Variants in COMMD10 observed in about 807,000 individuals in gnomAD.
The protein encoded by COMMD10 is COMM domain-containing protein 10.
A neutral mutation model predicts 28.9 loss-of-function variants in COMMD10; 33 were observed. That is an observed-to-expected ratio of 1.14 (90% CI 0.87 to 1.53). COMMD10 has a LOEUF of 1.53. Among genes scored for constraint, COMMD10 ranks in the 40% most tolerant of loss-of-function variants. The pLI, the probability that COMMD10 is intolerant of heterozygous loss-of-function variation, is 0.00. For synonymous variants in COMMD10, 110 were observed against 81.7 expected, an observed-to-expected ratio of 1.35 and a Z score of -1.87; for missense variants, 310 against 233.4, an observed-to-expected ratio of 1.33 and a Z score of -2.14.
At chr5:116,292,101 G>A (rs1208717822) in intron 6 of COMMD10, among the ~76,000 whole-genome samples, 2 of 151,208 alleles carry the variant, frequency 1.3e-5, no homozygotes, top group Non-Finnish European at 2.9e-5. Flanking sequence ...CACCACCACT[G>A]TACCCACTCC....
At chr5:116,191,133 A>C (rs990394543) in intron 5 of COMMD10, among the ~76,000 whole-genome samples, 2 of 152,142 alleles carry the variant, frequency 1.3e-5, no homozygotes, top group African/African-American at 4.8e-5. Context: ...AAGCAGCAGA[A>C]AGGCCCTGGA....
At chr5:116,168,803 C>T (rs1753220278) in intron 5 of COMMD10, among the ~76,000 whole-genome samples, 1 of 152,094 alleles carries the variant, frequency 6.6e-6, no homozygotes, top group African/African-American at 2.4e-5. Context: ...CACAATGTAC[C>T]AGAATCTCTG....
chr5:116,134,199 A>G, intron 5 of COMMD10, 21 bp downstream of exon 5: 1 of 1,353,114 alleles, frequency 7.4e-7, no homozygotes. Context: ...GTATCCCATT[A>G]AAAGGATGTA....
chr5:116,112,554 C>T (rs570836528), intron 4 of COMMD10, among the ~76,000 whole-genome samples: 1 of 152,062 alleles, frequency 6.6e-6, no homozygotes, highest in East Asian at 1.9e-4. Context: ...GTGCGCGCCA[C>T]CATGCACAGC....
intron 5 of COMMD10, among the ~76,000 whole-genome samples, chr5:116,174,253 T>C (rs1753431647): frequency 6.6e-6 from 1 of 151,970 alleles, no homozygotes; most frequent in African/African-American, 2.4e-5. Flanking sequence ...GAGATGGAAG[T>C]GTGCTTGCTA....
chr5:116,255,424 C>T (rs1043198810), intron 5 of COMMD10, among the ~76,000 whole-genome samples: 3 of 151,668 alleles, frequency 2.0e-5, no homozygotes, highest in Non-Finnish European at 4.4e-5. Context: ...CATGATTTTG[C>T]AGCGGCTGGT....
chr5:116,291,705 C>T (rs1255916553), intron 6 of COMMD10, 129 bp downstream of exon 6: 3 of 529,762 alleles, frequency 5.7e-6, no homozygotes. Flanking sequence ...TTATAAAAGA[C>T]CTTATGTTTC....
At chr5:116,257,947 G>A (rs368609390) in intron 5 of COMMD10, among the ~76,000 whole-genome samples, 1 of 151,612 alleles carries the variant, frequency 6.6e-6, no homozygotes, top group East Asian at 1.9e-4. Flanking sequence ...ATTTGGTTCT[G>A]TGCGATATAG....
chr5:116,104,959 G>A (rs1187224742), intron 4 of COMMD10, among the ~76,000 whole-genome samples: 1 of 152,140 alleles, frequency 6.6e-6, no homozygotes, highest in Non-Finnish European at 1.5e-5. Context: ...TCTTTCTCTT[G>A]CCTGATTGCC....
intron 5 of COMMD10, among the ~76,000 whole-genome samples, chr5:116,249,676 A>G (rs1750054108): frequency 6.6e-6 from 1 of 151,936 alleles, no homozygotes; most frequent in African/African-American, 2.4e-5. Flanking sequence ...TATCAAATAA[A>G]CTATATTGTA....
chr5:116,187,494 T>TA lies in COMMD10; in HGVS notation c.510+53325dup, dbSNP rs201990230. ...ATATTTTAGTGTAAAGATATTGATG[T>TA]AAAAAAAAATTCAGCAACCTATCTA... On this transcript the variant is annotated intron_variant, in intron 5 of 6. Transcript: ENST00000274458. Among the ~76,000 whole-genome samples the TA allele has an allele frequency of 2.0e-3, 306 of 151,524 alleles. 2 individuals carry two copies. Among genetic ancestry groups the TA allele is most frequent in the African/African-American group, 7.0e-3 (289 of 41,374 alleles).
intron 5 of COMMD10, among the ~76,000 whole-genome samples, chr5:116,155,014 T>G (rs1409132803): frequency 1.3e-5 from 2 of 152,148 alleles, no homozygotes; most frequent in Non-Finnish European, 2.9e-5. Flanking sequence ...TGCTGTTTCT[T>G]TAGTTAAGCA....
intron 5 of COMMD10, among the ~76,000 whole-genome samples, chr5:116,274,538 T>A (rs1244145245): frequency 6.6e-6 from 1 of 151,804 alleles, no homozygotes; most frequent in Non-Finnish European, 1.5e-5. Flanking sequence ...TTTGCTTGAT[T>A]TTCTTACTGT....
intron 5 of COMMD10, among the ~76,000 whole-genome samples, chr5:116,139,581 G>A (rs557068499): frequency 1.4e-5 from 2 of 138,016 alleles, no homozygotes; most frequent in Admixed American, 1.4e-4. Context: ...ATGTGAGTTC[G>A]TCTGCATTTT....
chr5:116,120,546 C>T (rs575074142), intron 4 of COMMD10, among the ~76,000 whole-genome samples: 1 of 151,958 alleles, frequency 6.6e-6, no homozygotes, highest in South Asian at 2.1e-4. Context: ...TTTTCATTAC[C>T]CTCAAAAGTT....
chr5:116,149,700 G>A (rs1249648173), intron 5 of COMMD10, among the ~76,000 whole-genome samples: 47 of 149,646 alleles, frequency 3.1e-4, no homozygotes, highest in Middle Eastern at 6.9e-3. Context: ...TTTTGATGGG[G>A]TTGTTTGTTT....
rs1005959108 is a variant in COMMD10 at position 116,271,248 on chromosome 5, ATTT to A, written c.511-20263_511-20261del. ...GAAAATTCACATGATAGTAAAAACA[ATTT>A]TTTTTCCTGTTTAAGCATTTTTATC... On this transcript the variant is annotated intron_variant, in intron 5 of 6. Transcript: ENST00000274458. Among the ~76,000 whole-genome samples the A allele has an allele frequency of 1.9e-4, 28 of 145,056 alleles. 1 individual carries two copies. Among genetic ancestry groups the A allele is most frequent in the African/African-American group, 5.8e-4 (22 of 38,074 alleles).
In COMMD10 at chr5:116,288,864, TTCTC is replaced by T. The variant is rs1212693207; in HGVS notation, c.511-2647_511-2644del. 6.2e-5 allele frequency among the ~76,000 whole-genome samples: 9 copies of T among 146,218 alleles called. 1 individual carries two copies. The South Asian group carries it at 8.7e-4, about 14-fold the overall frequency. On this transcript the variant is annotated intron_variant, in intron 5 of 6. Coordinates refer to ENST00000274458, the MANE Select transcript of COMMD10 (RefSeq NM_016144.4). ...TCCTGATTGTTTTCAATTGTTGGTG[TTCTC>T]TCTCTTTTTTTTTTTTTTTTTTTTT...
chr5:116,286,600 C>T (rs767421832), intron 5 of COMMD10, among the ~76,000 whole-genome samples: 8 of 151,584 alleles, frequency 5.3e-5, no homozygotes, highest in Non-Finnish European at 1.0e-4. Flanking sequence ...AGTTCCAGTT[C>T]CCCTTATTAC....
Sources: allele counts gnomAD v4.1 joint callset (sites outside exome capture counted in the v4.1 genomes callset), GRCh38; gene constraint gnomAD v4.1.1; transcripts MANE v1.5; gene names NCBI Gene and HGNC (gene_info 2026-07-23, HGNC 2026-07-21).